Variants in DNAH6 observed in about 807,000 individuals in gnomAD.
The protein encoded by DNAH6 is axonemal beta dynein heavy chain 6.
Under a neutral mutation model 491.4 loss-of-function variants are expected in DNAH6, and 340 were observed. The observed-to-expected ratio is 0.69, with a 90% confidence interval of 0.63 to 0.76. DNAH6 has a LOEUF of 0.76. Among genes scored for constraint, DNAH6 ranks in the 30% least tolerant of loss-of-function variants. The pLI is 0.00. For synonymous variants in DNAH6, 1,603 were observed against 1,686.1 expected (o/e 0.95, Z 1.21); for missense variants, 4,443 against 4,972.2 (o/e 0.89, Z 3.20).
intron 22 of DNAH6, among the ~76,000 whole-genome samples, chr2:84,613,074 T>C (rs995638181): frequency 6.6e-6 from 1 of 152,056 alleles, no homozygotes; most frequent in Non-Finnish European, 1.5e-5. Context: ...GAGACTTATA[T>C]AGATCATTTC....
At chr2:84,735,821 TTGTC>T (rs1699493657) in intron 62 of DNAH6, among the ~76,000 whole-genome samples, 1 of 152,218 alleles carries the variant, frequency 6.6e-6, no homozygotes, top group Non-Finnish European at 1.5e-5. Flanking sequence ...ATTATGTACA[TTGTC>T]TGTTCACTCA....
chr2:84,752,637 T>TG (rs1673579802), intron 63 of DNAH6, among the ~76,000 whole-genome samples: 1 of 151,982 alleles, frequency 6.6e-6, no homozygotes, highest in Non-Finnish European at 1.5e-5. Flanking sequence ...CCAACACTAG[T>TG]CTACTTCTGT....
chr2:84,627,222 T>C (rs1687965175), intron 29 of DNAH6, among the ~76,000 whole-genome samples: 1 of 152,222 alleles, frequency 6.6e-6, no homozygotes, highest in Non-Finnish European at 1.5e-5. Flanking sequence ...TTCCAGGTGA[T>C]TCTGATGCAC....
At chr2:84,760,780 C>T (rs1011279319) in intron 63 of DNAH6, among the ~76,000 whole-genome samples, 1 of 152,160 alleles carries the variant, frequency 6.6e-6, no homozygotes, top group East Asian at 1.9e-4. Context: ...TGATCTCACT[C>T]TGTCACCCAG....
chr2:84,541,619 G>A (rs1678251541), intron 4 of DNAH6, among the ~76,000 whole-genome samples: 1 of 152,118 alleles, frequency 6.6e-6, no homozygotes, highest in African/African-American at 2.4e-5. Flanking sequence ...AGATGTGGAG[G>A]AAAAGAAACC....
rs376921541 is a variant in DNAH6, at chr2:84,808,513, C to G, written c.11710C>G (p.Arg3904Gly). 1 of 1,551,662 alleles carries G rather than the reference C, an allele frequency of 6.4e-7. No homozygotes were observed. Among genetic ancestry groups the G allele is most frequent in the Non-Finnish European group, 8.7e-7 (1 of 1,146,936 alleles). ...CACCGTTCTTGGACAGGAAGTGGAC[C>G]GGTTTAACAACCTGCTGAAGTTAAT... ...LTTVLGQEVD[R>G]FNNLLKLIHT... Residue 3904 changes from arginine (R) to glycine (G), a missense_variant, in exon 72 of 77, where the codon CGG (arginine) becomes GGG (glycine). Coordinates refer to ENST00000389394, the MANE Select transcript of DNAH6 (RefSeq NM_001370.2).
intron 67 of DNAH6, 84 bp from the exon 68 acceptor site, chr2:84,787,080 G>A (rs1573809537): frequency 1.8e-6 from 2 of 1,100,018 alleles, no homozygotes; most frequent in East Asian, 5.4e-5. Flanking sequence ...ATTTTCAATG[G>A]AAATTTCTTT....
At chr2:84,546,947 C>G (rs1004015443) in intron 5 of DNAH6, among the ~76,000 whole-genome samples, 4 of 152,258 alleles carry the variant, frequency 2.6e-5, no homozygotes, top group Admixed American at 6.5e-5. Context: ...TTGTAAAGTA[C>G]TTAAGGTAAC....
At chr2:84,500,663 A>G in the DNAH6 span, among the ~76,000 whole-genome samples, 12 of 152,180 alleles carry the variant, frequency 7.9e-5, no homozygotes, top group Non-Finnish European at 1.0e-4. Flanking sequence ...CAATCCATGA[A>G]CATGGAATAT....
At chr2:84,805,936 A>G in intron 71 of DNAH6, 142 bp downstream of exon 71, 2 of 679,564 alleles carry the variant, frequency 2.9e-6, no homozygotes, top group Non-Finnish European at 4.7e-6. Flanking sequence ...GGAGCTCTTC[A>G]TTTATAGACT....
At chr2:84,805,421 G>A (rs1462958490) in intron 70 of DNAH6, among the ~76,000 whole-genome samples, 1 of 152,150 alleles carries the variant, frequency 6.6e-6, no homozygotes, top group East Asian at 1.9e-4. Context: ...TTGCAGTCAA[G>A]CAAGATGAAT....
At chr2:84,634,338 C>G (rs1478292819) in intron 29 of DNAH6, among the ~76,000 whole-genome samples, 166 bp from the exon 30 acceptor site, 1 of 152,150 alleles carries the variant, frequency 6.6e-6, no homozygotes, top group African/African-American at 2.4e-5. Context: ...AACATATTTC[C>G]TCTTGTAGAA....
chr2:84,815,087 C>T (rs1205038037), intron 75 of DNAH6, among the ~76,000 whole-genome samples: 1 of 152,348 alleles, frequency 6.6e-6, no homozygotes, highest in East Asian at 1.9e-4. Flanking sequence ...CAGTAGGTAG[C>T]AGGATAGTTT....
At chr2:84,782,776 C>G (rs919488567) in intron 65 of DNAH6, among the ~76,000 whole-genome samples, 4 of 152,108 alleles carry the variant, frequency 2.6e-5, no homozygotes, top group African/African-American at 9.7e-5. Context: ...CAGTACTGGT[C>G]AGGGGTCCCC....
intron 51 of DNAH6, among the ~76,000 whole-genome samples, chr2:84,704,700 A>T (rs1222953780): frequency 6.6e-6 from 1 of 152,174 alleles, no homozygotes; most frequent in Non-Finnish European, 1.5e-5. Flanking sequence ...ATGTTCTTGG[A>T]GTGGGATGGG....
chr2:84,687,991 T>G (rs898291982), intron 44 of DNAH6, among the ~76,000 whole-genome samples: 2 of 151,918 alleles, frequency 1.3e-5, no homozygotes, highest in African/African-American at 4.8e-5. Context: ...TCCCAGCACT[T>G]TAGGAGGCAG....
chr2:84,505,779 A>G, the DNAH6 span, among the ~76,000 whole-genome samples: 1,348 of 152,120 alleles, frequency 8.9e-3, 12 homozygotes, highest in African/African-American at 0.03. Context: ...TCATTGTTCA[A>G]TTCCCACCTA....
chr2:84,663,684 T>C (rs994797318), intron 37 of DNAH6, among the ~76,000 whole-genome samples: 1 of 152,108 alleles, frequency 6.6e-6, no homozygotes, highest in Non-Finnish European at 1.5e-5. Context: ...CAGGATATTA[T>C]CCAGGAGAAC....
chr2:84,702,744 G>C (rs570003450), intron 49 of DNAH6, among the ~76,000 whole-genome samples: 2 of 151,864 alleles, frequency 1.3e-5, no homozygotes, highest in East Asian at 3.9e-4. Flanking sequence ...GGGTTTTGCT[G>C]TAGCCAGGAT....
Sources: gnomAD v4.1 joint callset for allele counts (sites outside exome capture counted in the v4.1 genomes callset) on GRCh38, gnomAD v4.1.1 for gene constraint, MANE v1.5 for transcripts, NCBI Gene and HGNC (gene_info 2026-07-23, HGNC 2026-07-21) for gene names.